ESRRG: variants seen among roughly 807,000 people sequenced by gnomAD.
The protein encoded by ESRRG is estrogen-related receptor gamma.
Under a neutral mutation model 44.0 loss-of-function variants are expected in ESRRG, and 13 were observed. The observed-to-expected ratio is 0.30, with a 90% CI of 0.19 to 0.47. The LOEUF is 0.47. Ranked by LOEUF, ESRRG falls within the 20% of genes least tolerant of loss-of-function variation. The pLI is 1.00. For synonymous variants in ESRRG, 215 were observed against 214.6 expected, an observed-to-expected ratio of 1.00 and a Z score of -0.02; for missense variants, 395 against 580.6, an observed-to-expected ratio of 0.68 and a Z score of 3.29.
At chr1:216,850,875 A>C (rs535280185) in intron 2 of ESRRG, among the ~76,000 whole-genome samples, 2 of 152,076 alleles carry the variant, frequency 1.3e-5, no homozygotes, top group African/African-American at 4.8e-5. Flanking sequence ...TAGTTAAGAA[A>C]GAGATGTGCT....
chr1:216,634,130 C>T (rs1190769604), intron 3 of ESRRG, among the ~76,000 whole-genome samples: 1 of 152,122 alleles, frequency 6.6e-6, no homozygotes, highest in African/African-American at 2.4e-5. Context: ...ATTCCTTTTC[C>T]ACGCTCAGCC....
chr1:216,589,817 T>C (rs2057336057), intron 3 of ESRRG, among the ~76,000 whole-genome samples: 1 of 143,358 alleles, frequency 7.0e-6, no homozygotes, highest in Non-Finnish European at 1.5e-5. Context: ...GGCAGAAGAA[T>C]TGCTTGAACC....
intron 3 of ESRRG, among the ~76,000 whole-genome samples, chr1:216,611,992 C>T (rs1259445451): frequency 1.3e-5 from 2 of 152,092 alleles, no homozygotes; most frequent in South Asian, 2.1e-4. Context: ...AGGGAGAGAA[C>T]ATTTTAAGTT....
intron 1 of ESRRG, among the ~76,000 whole-genome samples, chr1:217,028,508 T>C (rs2081548617): frequency 6.6e-6 from 1 of 152,160 alleles, no homozygotes; most frequent in Non-Finnish European, 1.5e-5. Flanking sequence ...TTTGCAAAAT[T>C]GCAGAGCCCC....
At chr1:216,744,627 C>T (rs560395239) in intron 2 of ESRRG, among the ~76,000 whole-genome samples, 1 of 152,306 alleles carries the variant, frequency 6.6e-6, no homozygotes, top group South Asian at 2.1e-4. Context: ...AAGAAATGCA[C>T]ACACATAGGA....
intron 1 of ESRRG, among the ~76,000 whole-genome samples, chr1:217,005,011 A>G (rs1435366437): frequency 6.6e-6 from 1 of 152,182 alleles, no homozygotes; most frequent in African/African-American, 2.4e-5. Context: ...CTTATTAATA[A>G]AAAGCTATTT....
intron 2 of ESRRG, among the ~76,000 whole-genome samples, chr1:216,808,325 A>C (rs2094862864): frequency 6.6e-6 from 1 of 152,152 alleles, no homozygotes; most frequent in Admixed American, 6.6e-5. Context: ...GGACAAGACA[A>C]AATCCATGTA....
intron 3 of ESRRG, among the ~76,000 whole-genome samples, chr1:216,582,165 A>C (rs531804696): frequency 6.6e-6 from 1 of 152,336 alleles, no homozygotes; most frequent in African/African-American, 2.4e-5. Flanking sequence ...ATAATAATGT[A>C]TAAAATACAT....
At chr1:217,011,155 C>A (rs916159134) in intron 1 of ESRRG, among the ~76,000 whole-genome samples, 8 of 152,206 alleles carry the variant, frequency 5.3e-5, no homozygotes, top group African/African-American at 1.9e-4. Flanking sequence ...ATAAATAACT[C>A]ATTTCCCAGC....
rs142489831 is a variant in ESRRG at position 216,890,155 on chromosome 1, C to T, written c.-14+49427G>A. 2.4e-3 allele frequency among the ~76,000 whole-genome samples: 364 copies of T among 152,052 alleles called. 7 individuals carry two copies. The East Asian group carries it at 0.034, about 14-fold the overall frequency. ...TGGTACATGACTGTAGTCCCAGTGA[C>T]TTGGAAGGCTGGAGTGGGAGGATCA... On this transcript the variant is annotated intron_variant, in intron 2 of 7. Coordinates refer to the ESRRG transcript ENST00000359162.
At chr1:216,613,872 G>A (rs1038741182) in intron 3 of ESRRG, among the ~76,000 whole-genome samples, 1 of 152,150 alleles carries the variant, frequency 6.6e-6, no homozygotes, top group Non-Finnish European at 1.5e-5. Flanking sequence ...TATGCACAAA[G>A]CTTTTATCTT....
At chr1:216,786,581 G>A (rs958476677) in intron 2 of ESRRG, among the ~76,000 whole-genome samples, 7 of 152,020 alleles carry the variant, frequency 4.6e-5, no homozygotes, top group Non-Finnish European at 1.0e-4. Flanking sequence ...TAGAAAATAA[G>A]CATCAATAAA....
intron 2 of ESRRG, among the ~76,000 whole-genome samples, chr1:216,873,757 GAGA>G (rs930484618): frequency 6.6e-6 from 1 of 151,126 alleles, no homozygotes; most frequent in Non-Finnish European, 1.5e-5. Context: ...CCACTGAAAT[GAGA>G]AGAAGTCTCC....
intron 3 of ESRRG, among the ~76,000 whole-genome samples, chr1:216,606,850 T>C (rs1295167610): frequency 6.6e-6 from 1 of 152,168 alleles, no homozygotes; most frequent in East Asian, 1.9e-4. Context: ...TGTTCATATA[T>C]TTGCTAGCAA....
At chr1:216,661,068 T>C (rs1186594522) in intron 2 of ESRRG, among the ~76,000 whole-genome samples, 1 of 152,184 alleles carries the variant, frequency 6.6e-6, no homozygotes, top group Non-Finnish European at 1.5e-5. Context: ...TGATGGAGAA[T>C]ATAAATGTCT....
chr1:216,548,422 CTCTT>C (rs2055221876), intron 5 of ESRRG, among the ~76,000 whole-genome samples: 1 of 152,044 alleles, frequency 6.6e-6, no homozygotes, highest in African/African-American at 2.4e-5. Context: ...TAAAAGAATG[CTCTT>C]TCTTCGATGA....
chr1:217,112,240 C>A (rs1350997596), intron 1 of ESRRG, among the ~76,000 whole-genome samples: 1 of 152,180 alleles, frequency 6.6e-6, no homozygotes, highest in Non-Finnish European at 1.5e-5. Context: ...GGTGAGTTTT[C>A]ACATAGCCAT....
At chr1:216,951,516 C>T (rs2066942727) in intron 1 of ESRRG, among the ~76,000 whole-genome samples, 1 of 152,058 alleles carries the variant, frequency 6.6e-6, no homozygotes, top group South Asian at 2.1e-4. Context: ...ACTTCAACTG[C>T]TTGGTTGGGC....
At chr1:216,516,032 T>C (rs2044156275) in intron 6 of ESRRG, among the ~76,000 whole-genome samples, 1 of 152,078 alleles carries the variant, frequency 6.6e-6, no homozygotes, top group South Asian at 2.1e-4. Context: ...TAGTCAAACC[T>C]CGTTATATAC....
Sources: gnomAD v4.1 joint callset for allele counts (sites outside exome capture counted in the v4.1 genomes callset) on GRCh38, gnomAD v4.1.1 for gene constraint, MANE v1.5 for transcripts, NCBI Gene and HGNC (gene_info 2026-07-23, HGNC 2026-07-21) for gene names.